NUP98: variants seen among roughly 807,000 people sequenced by gnomAD.
The protein encoded by NUP98 is nuclear pore complex protein Nup98-Nup96.
In NUP98, 26 loss-of-function variants were observed where a neutral mutation model predicts 191.9. That is an observed-to-expected ratio of 0.14 (90% confidence interval 0.10 to 0.19). The LOEUF (loss-of-function observed/expected upper bound fraction) is 0.19. Among genes scored for constraint, NUP98 ranks in the 10% least tolerant of loss-of-function variants. The pLI, the probability that NUP98 is intolerant of heterozygous loss-of-function variation, is 1.00. For missense variants in NUP98, 1,941 were observed against 2,178.8 expected, an observed-to-expected ratio of 0.89 and a Z score of 2.17; for synonymous variants, 808 against 778.4, an observed-to-expected ratio of 1.04 and a Z score of -0.63.
chr11:3,702,970 C>G, intron 22 of NUP98, 78 bp from the exon 23 acceptor site: 1 of 1,184,262 alleles, frequency 8.4e-7, no homozygotes, highest in Non-Finnish European at 1.2e-6. Context: ...TAACAAAAAT[C>G]AGTAAGGCTG....
At chr11:3,749,186 T>C (rs932830908) in intron 11 of NUP98, among the ~76,000 whole-genome samples, 58 of 151,640 alleles carry the variant, frequency 3.8e-4, no homozygotes, top group Non-Finnish European at 6.5e-4. Flanking sequence ...CGGGCGCCTA[T>C]AGTCCCAGCT....
intron 25 of NUP98, 145 bp downstream of exon 25, chr11:3,698,937 G>A (rs556970427): frequency 3.5e-5 from 30 of 860,638 alleles, no homozygotes; most frequent in African/African-American, 6.7e-5. Context: ...CATATTCCAC[G>A]GGAACCAGCA....
chr11:3,726,314 T>C (rs1216818022), intron 14 of NUP98, among the ~76,000 whole-genome samples: 2 of 150,978 alleles, frequency 1.3e-5, no homozygotes, highest in Admixed American at 1.3e-4. Context: ...AGGAACAAGA[T>C]AATAATTAAA....
intron 17 of NUP98, among the ~76,000 whole-genome samples, chr11:3,719,890 G>A (rs1168082140): frequency 6.6e-6 from 1 of 151,226 alleles, no homozygotes; most frequent in Non-Finnish European, 1.5e-5. Flanking sequence ...CTCCCAAGTA[G>A]CTGAGACTAC....
At chr11:3,796,552 T>G (rs573693905) in intron 1 of NUP98, among the ~76,000 whole-genome samples, 1 of 152,254 alleles carries the variant, frequency 6.6e-6, no homozygotes, top group Admixed American at 6.5e-5. Flanking sequence ...ACAGAGCTGG[T>G]AGCAACTAAA....
intron 8 of NUP98, among the ~76,000 whole-genome samples, chr11:3,768,090 T>G (rs367924702): frequency 6.6e-6 from 1 of 151,686 alleles, no homozygotes; most frequent in Admixed American, 6.6e-5. Flanking sequence ...AAGTAAAGAG[T>G]AGAGCCCAGG....
At chr11:3,797,329 C>G (rs751773428) in intron 1 of NUP98, 71 bp downstream of exon 1, 1 of 399,882 alleles carries the variant, frequency 2.5e-6, no homozygotes, top group Non-Finnish European at 4.4e-6. Flanking sequence ...AGACGCCCCG[C>G]GCGTCCGCCC....
In NUP98 at chr11:3,774,681, C is replaced by T. The variant is rs116396614; in HGVS notation, c.496-942G>A. ...GCAGTGAGCCAAGATTGCACCACTGCGCTCCCGTCTGGCTGACTCTGTCTC... is the reference window on the plus strand; with the variant it reads ...GCAGTGAGCCAAGATTGCACCACTGTGCTCCCGTCTGGCTGACTCTGTCTC... On this transcript the variant is annotated intron_variant, in intron 5 of 32. Transcript: ENST00000324932. Among the ~76,000 whole-genome samples, 903 of 151,760 alleles carry T rather than the reference C, an allele frequency of 6.0e-3. 5 individuals carry two copies. The highest frequency in any genetic ancestry group is 0.02 in the African/African-American group (842 of 41,380).
chr11:3,797,131 G>A (rs559148023), intron 1 of NUP98, among the ~76,000 whole-genome samples: 3 of 152,246 alleles, frequency 2.0e-5, no homozygotes, highest in South Asian at 4.1e-4. Context: ...AGTACAACCA[G>A]ACAGACACCC....
rs773625239 is a variant in NUP98, at chr11:3,700,745, C to T, written c.3607G>A (p.Glu1203Lys). Reference sequence around the variant, plus strand: ...ACAGTGCTGTGTTTTAATTTGAGCTCCAGAGGTGTCTGATATAATTTCATG... The same window carrying T: ...ACAGTGCTGTGTTTTAATTTGAGCTTCAGAGGTGTCTGATATAATTTCATG... ...EDMKLYQTPL[E>K]LKLKHSTVHV... The change falls in exon 24 of 33, where the codon GAG (glutamate) becomes AAG (lysine). Residue 1203 changes from glutamate (E) to lysine (K), a missense_variant. By Grantham distance (56) the Glu-to-Lys change is moderately conservative. Transcript: ENST00000324932. 2.3e-5 allele frequency: 37 copies of T among 1,613,984 alleles called. No individual in the cohort carries two copies. Among genetic ancestry groups the T allele is most frequent in the South Asian group, 1.1e-5 (1 of 91,086 alleles).
At chr11:3,761,806 T>C (rs939920956) in intron 9 of NUP98, among the ~76,000 whole-genome samples, 20 of 151,298 alleles carry the variant, frequency 1.3e-4, no homozygotes, top group African/African-American at 4.4e-4. Flanking sequence ...AAGCCTGGCA[T>C]GGTGTCACAC....
chr11:3,705,216 C>A lies in NUP98; in HGVS notation c.3066G>T (p.Ser1022=). Residue 1022 remains serine, a synonymous_variant, in exon 22 of 33, where the codon TCG becomes TCT. Coordinates refer to ENST00000324932, the MANE Select transcript of NUP98 (RefSeq NM_016320.5). ...ATACTGTACCTAGTGAACGAGTTTTCGACGAGTGGGATGCTGAAATGGGGA... is the reference window on the plus strand; with the variant it reads ...ATACTGTACCTAGTGAACGAGTTTTAGACGAGTGGGATGCTGAAATGGGGA... ...PRLPISASHS[S]KTRSLVGGLL... is the part of the protein sequence containing the mutation. The A allele has an allele frequency of 6.2e-7, 1 of 1,614,060 alleles. No homozygotes were observed. The highest frequency in any genetic ancestry group is 8.5e-7 in the Non-Finnish European group (1 of 1,179,992).
At chr11:3,795,012 T>C (rs544394540) in intron 1 of NUP98, among the ~76,000 whole-genome samples, 7 of 152,334 alleles carry the variant, frequency 4.6e-5, no homozygotes, top group African/African-American at 1.4e-4. Context: ...ATTAGTACCA[T>C]CATTCTTTAC....
At chr11:3,710,690 G>C (rs1279827145) in intron 20 of NUP98, among the ~76,000 whole-genome samples, 1 of 152,258 alleles carries the variant, frequency 6.6e-6, no homozygotes, top group Admixed American at 6.5e-5. Flanking sequence ...AAAGTAAAAT[G>C]TAGGGTCTTT....
At chr11:3,728,033 AT>A (rs1474619807) in intron 14 of NUP98, among the ~76,000 whole-genome samples, 6 of 152,128 alleles carry the variant, frequency 3.9e-5, no homozygotes, top group Non-Finnish European at 5.9e-5. Context: ...AAACAAAAAA[AT>A]AAACCAAAAA....
chr11:3,687,142 C>T (rs1235848605), intron 28 of NUP98, among the ~76,000 whole-genome samples: 1 of 152,042 alleles, frequency 6.6e-6, no homozygotes, highest in African/African-American at 2.4e-5. Context: ...TTATATTGCC[C>T]AGGTTGGTCT....
At chr11:3,712,410 C>CA in intron 20 of NUP98, 154 bp downstream of exon 20, 1 of 1,430,648 alleles carries the variant, frequency 7.0e-7, no homozygotes, top group African/African-American at 1.4e-5. Flanking sequence ...TGCAAGACCT[C>CA]ACGCCCTCCC....
intron 20 of NUP98, 36 bp downstream of exon 20, chr11:3,712,528 G>A (rs150519608): frequency 8.8e-5 from 141 of 1,610,588 alleles, no homozygotes; most frequent in Admixed American, 3.0e-4. Flanking sequence ...TCGGTATCAC[G>A]GATTCCATTC....
At chr11:3,737,198 C>A (rs2080096473) in intron 12 of NUP98, among the ~76,000 whole-genome samples, 1 of 151,630 alleles carries the variant, frequency 6.6e-6, no homozygotes, top group Non-Finnish European at 1.5e-5. Context: ...CCCTTATAAA[C>A]ATTTACAAAT....
Sources: gnomAD v4.1 joint callset for allele counts (sites outside exome capture counted in the v4.1 genomes callset) on GRCh38, gnomAD v4.1.1 for gene constraint, MANE v1.5 for transcripts, NCBI Gene and HGNC (gene_info 2026-07-23, HGNC 2026-07-21) for gene names.